The following LPCAT3 variants were observed in gnomAD, a reference collection of about 807,000 sequenced individuals.
LPCAT3 encodes the protein lysophosphatidylcholine acyltransferase 3, also known as lysophospholipid acyltransferase 5.
Under a neutral mutation model 63.4 loss-of-function variants are expected in LPCAT3, and 21 were observed. The ratio of observed to expected loss-of-function variants is 0.33; its 90% CI spans 0.23 to 0.48. LPCAT3 has a LOEUF of 0.48. Ranked by LOEUF, LPCAT3 falls within the 20% of genes least tolerant of loss-of-function variation. LPCAT3 has a pLI of 0.99. For synonymous variants in LPCAT3, 242 were observed against 227.5 expected (o/e 1.06, Z -0.58); for missense variants, 451 against 590.6 (o/e 0.76, Z 2.45).
intron 1 of LPCAT3, chr12:6,988,093 T>C (rs1193390051): frequency 1.7e-5 from 5 of 299,852 alleles, no homozygotes; most frequent in Non-Finnish European, 3.0e-5. Context: ...GCTTGGGTGC[T>C]TTCCTTATGG....
intron 1 of LPCAT3, among the ~76,000 whole-genome samples, chr12:7,002,116 G>A (rs1360238191): frequency 2.0e-5 from 3 of 152,246 alleles, no homozygotes; most frequent in African/African-American, 4.8e-5. Flanking sequence ...AATGGGGAGC[G>A]GCCAGGCCAG....
rs759123746 is a variant in LPCAT3, at chr12:7,002,906, G to C, written c.151+15368C>G. Among the ~76,000 whole-genome samples the C allele has an allele frequency of 3.8e-3, 579 of 152,268 alleles. 1 individual carries two copies. The highest frequency in any genetic ancestry group is 6.4e-3 in the Non-Finnish European group (435 of 68,024). On this transcript the variant is annotated intron_variant, in intron 1 of 12. Coordinates refer to ENST00000261407, the MANE Select transcript of LPCAT3 (RefSeq NM_005768.6). ...CGCCTGTAATCCCAGCTGCTCAGGA[G>C]GCTGAGGCAGGAGAATCACTTGAAA...
chr12:7,008,570 C>G (rs1407171029), intron 1 of LPCAT3, among the ~76,000 whole-genome samples: 2 of 152,004 alleles, frequency 1.3e-5, no homozygotes, highest in Admixed American at 1.3e-4. Flanking sequence ...AAAGATGGAG[C>G]CATTAGTCCA....
At chr12:7,010,675 ATT>A (rs1173700187) in intron 1 of LPCAT3, among the ~76,000 whole-genome samples, 1 of 152,076 alleles carries the variant, frequency 6.6e-6, no homozygotes, top group African/African-American at 2.4e-5. Context: ...TGATTATATA[ATT>A]TTTTTTGTAA....
At chr12:6,992,917 C>T (rs1395655079) in intron 1 of LPCAT3, among the ~76,000 whole-genome samples, 1 of 152,182 alleles carries the variant, frequency 6.6e-6, no homozygotes, top group Non-Finnish European at 1.5e-5. Flanking sequence ...CTGGATTACT[C>T]ATAATACCTA....
Position 6,981,649 on chromosome 12 carries a change from C to A in LPCAT3, c.461-17G>T, listed in dbSNP as rs60056851. 2.0e-5 allele frequency: 29 copies of A among 1,478,524 alleles called. No individual in the cohort carries two copies. The highest frequency in any genetic ancestry group is 2.0e-5 in the Non-Finnish European group (22 of 1,098,942). 91.6% of individuals were successfully genotyped at this position (1,478,524 alleles called of 1,614,324 possible). A position where few individuals can be genotyped will look rare whatever the true frequency, so the allele number is the denominator to read the frequency against. Reference sequence around the variant, plus strand: ...CAGCCAAACCTGAGCAGAGAGAGAACGGATGGGTAGGGTGGTGGGAGAGGA... The same window carrying A: ...CAGCCAAACCTGAGCAGAGAGAGAAAGGATGGGTAGGGTGGTGGGAGAGGA... On this transcript the variant is annotated splice_polypyrimidine_tract_variant and intron_variant, in intron 4 of 12. Coordinates refer to ENST00000261407, the MANE Select transcript of LPCAT3 (RefSeq NM_005768.6).
At chr12:7,003,928 CAA>C (rs781922909) in intron 1 of LPCAT3, among the ~76,000 whole-genome samples, 310 of 63,436 alleles carry the variant, frequency 4.9e-3, no homozygotes, top group Middle Eastern at 0.029. Flanking sequence ...GACTCCGTCT[CAA>C]AAAAAAAAAA....
chr12:6,986,809 A>G (rs1487765435), intron 1 of LPCAT3, among the ~76,000 whole-genome samples: 1 of 150,788 alleles, frequency 6.6e-6, no homozygotes, highest in Non-Finnish European at 1.5e-5. Flanking sequence ...AAAAAAAAAA[A>G]AAAAAAAAAA....
intron 1 of LPCAT3, among the ~76,000 whole-genome samples, chr12:7,003,008 C>CA (rs1380283505): frequency 1.3e-5 from 2 of 150,586 alleles, no homozygotes; most frequent in Non-Finnish European, 3.0e-5. Context: ...AACTCCATCT[C>CA]AAAAAAAGAA....
chr12:6,978,627 T>C lies in LPCAT3; in HGVS notation c.849A>G (p.Lys283=). 5.0e-6 allele frequency: 8 copies of C among 1,614,196 alleles called. No homozygotes were observed. The highest frequency in any genetic ancestry group is 2.2e-5 in the East Asian group (1 of 44,890). The part of the protein sequence containing the change: ...MLIWGKFVLY[K]YVTCWLVTEG... ...CTGTGACCAGCCAACAGGTGACATA[T>C]TTGTACAGCACAAACTTGCCCCAGA... The change falls in exon 8 of 13, where the codon AAA becomes AAG. Residue 283 remains lysine (K), a synonymous_variant. Coordinates refer to ENST00000261407, the MANE Select transcript of LPCAT3 (RefSeq NM_005768.6).
In LPCAT3 at chr12:6,977,328, G is replaced by T; in HGVS notation, c.1347+39C>A. 6.2e-7 allele frequency: 1 copy of T among 1,613,154 alleles called. No homozygotes were observed. Among genetic ancestry groups the T allele is most frequent in the Non-Finnish European group, 8.5e-7 (1 of 1,179,136 alleles). On this transcript the variant is annotated intron_variant, in intron 11 of 12. Transcript: ENST00000261407. The surrounding 1 kb of genome is among the most constrained non-coding windows in gnomAD (Gnocchi z 4.5). ...GTCCTTTGCAACCTTTGAGGTTGCA[G>T]TGAGTCCCTCCCAGTCTCACAAGCA...
At chr12:6,991,680 T>C (rs1222487205) in intron 1 of LPCAT3, among the ~76,000 whole-genome samples, 1 of 152,234 alleles carries the variant, frequency 6.6e-6, no homozygotes, top group Non-Finnish European at 1.5e-5. Flanking sequence ...GCTCACTTCA[T>C]ACAGTTTCAA....
In LPCAT3 at chr12:7,017,316, A is replaced by G. The variant is rs782261685; in HGVS notation, c.151+958T>C. Among the ~76,000 whole-genome samples, 1 of 152,178 alleles carries G rather than the reference A, an allele frequency of 6.6e-6. No homozygotes were observed. The highest frequency in any genetic ancestry group is 1.5e-5 in the Non-Finnish European group (1 of 68,026). ...GGTACTTCCCAATCTTGGCCCTTCT[A>G]CAGGACTTTATGGCAATCCTATGTG... On this transcript the variant is annotated intron_variant, in intron 1 of 12. Coordinates refer to ENST00000261407, the MANE Select transcript of LPCAT3 (RefSeq NM_005768.6). This position sits in a 1 kb window ranked among gnomAD's most constrained non-coding sequence, Gnocchi z 4.1.
At chr12:6,985,232 A>G (rs1555154667) in intron 1 of LPCAT3, among the ~76,000 whole-genome samples, 2 of 151,784 alleles carry the variant, frequency 1.3e-5, no homozygotes, top group East Asian at 3.9e-4. Context: ...TCTACTAAAA[A>G]TACAAAAAAA....
At chr12:6,999,460 A>C (rs782050249) in intron 1 of LPCAT3, among the ~76,000 whole-genome samples, 68 of 152,332 alleles carry the variant, frequency 4.5e-4, no homozygotes, top group African/African-American at 1.5e-3. Flanking sequence ...CCAGCCAAAC[A>C]ACCTAAACTT....
rs782559214 is a variant in LPCAT3 at position 6,978,547 on chromosome 12, C to G, written c.874-40G>C. 6.8e-6 allele frequency: 11 copies of G among 1,612,678 alleles called. No individual in the cohort carries two copies. In the South Asian group the frequency reaches 9.9e-5, roughly 15 times the overall value. On this transcript the variant is annotated intron_variant, in intron 8 of 12. Transcript: ENST00000261407. ...CTCAGTTAGGGCTCTTGCCACTCCCCATACTGGCCCCCATGGCTTGTCTAA... is the reference window on the plus strand; with the variant it reads ...CTCAGTTAGGGCTCTTGCCACTCCCGATACTGGCCCCCATGGCTTGTCTAA...
At chr12:6,983,255 T>G (rs781977381) in intron 2 of LPCAT3, 177 bp downstream of exon 2, 2 of 562,206 alleles carry the variant, frequency 3.6e-6, no homozygotes, top group African/African-American at 3.8e-5. Context: ...GACAGAAGAA[T>G]GTACATAAAA....
intron 1 of LPCAT3, among the ~76,000 whole-genome samples, chr12:7,004,178 G>GT (rs145293114): frequency 2.6e-5 from 4 of 152,038 alleles, no homozygotes; most frequent in Non-Finnish European, 5.9e-5. Context: ...AGTAGATGGA[G>GT]TTTTTTTAAA....
At position 6,981,165 on chromosome 12, in the gene LPCAT3, C is replaced by T; in HGVS notation, c.516G>A (p.Glu172=). ...CACCACGTATGGCATATTTCTGTTG[C>T]TCAGAGGACAAGGAATTCTATGCCA... The part of the protein sequence containing the change: ...GGKDQNSLSS[E]QQKYAIRGVP... The change falls in exon 6 of 13, where the codon GAG becomes GAA. Residue 172 remains glutamate, a synonymous_variant. Transcript: ENST00000261407. 1.2e-6 allele frequency: 2 copies of T among 1,609,622 alleles called. No individual in the cohort carries two copies. The highest frequency in any genetic ancestry group is 4.5e-5 in the East Asian group (2 of 44,834).
Sources: gnomAD v4.1 joint callset for allele counts (sites outside exome capture counted in the v4.1 genomes callset) on GRCh38, gnomAD v4.1.1 for gene constraint, Gnocchi (gnomAD v3.1) non-coding constraint, MANE v1.5 for transcripts, NCBI Gene and HGNC (gene_info 2026-07-23, HGNC 2026-07-21) for gene names.